Variants in MYT1L observed in about 807,000 individuals in gnomAD.
MYT1L encodes the protein myelin transcription factor 1-like protein.
Under a neutral mutation model 126.7 loss-of-function variants are expected in MYT1L, and 12 were observed. The ratio of observed to expected loss-of-function variants is 0.09; its 90% CI spans 0.06 to 0.15. The LOEUF is 0.15. Among genes scored for constraint, MYT1L ranks in the 10% least tolerant of loss-of-function variants. The probability of loss-of-function intolerance (pLI) is 1.00; values close to 1 mark genes in which losing one functional copy is unlikely to be tolerated. For synonymous variants in MYT1L, 541 were observed against 604.2 expected (o/e 0.90, Z 1.53); for missense variants, 979 against 1,585.2 (o/e 0.62, Z 6.49).
intron 2 of MYT1L, among the ~76,000 whole-genome samples, chr2:2,262,561 C>T (rs1466710170): frequency 2.6e-5 from 4 of 151,518 alleles, no homozygotes; most frequent in South Asian, 2.1e-4. Flanking sequence ...GGCATGGTGG[C>T]GGGCACCTGT....
At chr2:2,168,405 GGGGTGCATATGGAAA>G (rs1450824034) in intron 3 of MYT1L, among the ~76,000 whole-genome samples, 2 of 152,272 alleles carry the variant, frequency 1.3e-5, no homozygotes, top group South Asian at 2.1e-4. Flanking sequence ...TAGGTGTGTT[GGGGTGCATATGGAAA>G]GTTCTGGATC....
chr2:2,136,152 T>A (rs953104154), intron 3 of MYT1L, among the ~76,000 whole-genome samples: 1 of 152,176 alleles, frequency 6.6e-6, no homozygotes, highest in Admixed American at 6.5e-5. Flanking sequence ...TAGCTCTCAC[T>A]TTTTATGTTC....
chr2:2,112,756 T>A (rs1241904941), intron 3 of MYT1L, among the ~76,000 whole-genome samples: 1 of 152,240 alleles, frequency 6.6e-6, no homozygotes, highest in African/African-American at 2.4e-5. Flanking sequence ...TTGGCCACTC[T>A]GCTGACCACT....
At chr2:2,203,252 G>C (rs969062569) in intron 2 of MYT1L, among the ~76,000 whole-genome samples, 16 of 149,078 alleles carry the variant, frequency 1.1e-4, no homozygotes, top group African/African-American at 4.0e-4. Flanking sequence ...ATTCAACATA[G>C]TGTTGGAAGT....
chr2:2,229,758 G>A (rs190519544), intron 2 of MYT1L, among the ~76,000 whole-genome samples: 14 of 152,106 alleles, frequency 9.2e-5, no homozygotes, highest in South Asian at 4.2e-4. Flanking sequence ...TTATGCCAAC[G>A]CAAGCAGGCA....
chr2:2,275,972 T>G (rs921747437), intron 2 of MYT1L, among the ~76,000 whole-genome samples: 1 of 152,176 alleles, frequency 6.6e-6, no homozygotes, highest in Non-Finnish European at 1.5e-5. Flanking sequence ...AGCGGGTTTC[T>G]CCTCTCTGCC....
intron 3 of MYT1L, among the ~76,000 whole-genome samples, chr2:2,141,708 G>C (rs1165007733): frequency 6.6e-6 from 1 of 152,172 alleles, no homozygotes; most frequent in Non-Finnish European, 1.5e-5. Flanking sequence ...GATGTGTTTG[G>C]ATTTTACAAG....
At position 1,917,471 on chromosome 2, in the gene MYT1L, G is replaced by C. The variant is rs2053008904; in HGVS notation, c.1484-132C>G. ...TGTCGGGGGCTAGGCTGTGACATCA[G>C]ACTTTTGCTTAGATAGTTCTTTGGT... is the stretch of plus-strand genomic sequence containing the variant. On this transcript the variant is annotated intron_variant, in intron 10 of 24. Coordinates refer to ENST00000647738, the MANE Select transcript of MYT1L (RefSeq NM_001303052.2). The surrounding 1 kb of genome is among the most constrained non-coding windows in gnomAD (Gnocchi z 5.9). 3 of 1,069,836 alleles carry C rather than the reference G, an allele frequency of 2.8e-6. No individual in the cohort carries two copies. The highest frequency in any genetic ancestry group is 4.8e-5 in the Admixed American group (2 of 41,564). 66.3% of individuals were successfully genotyped at this position (1,069,836 alleles called of 1,614,324 possible). A position where few individuals can be genotyped will look rare whatever the true frequency, so the allele number is the denominator to read the frequency against.
Position 1,886,624 on chromosome 2 carries a change from G to C in MYT1L, c.2643-17C>G, listed in dbSNP as rs762809075. 1 of 1,536,642 alleles carries C rather than the reference G, an allele frequency of 6.5e-7. No homozygotes were observed. Among genetic ancestry groups the C allele is most frequent in the African/African-American group, 1.4e-5 (1 of 71,610 alleles). On this transcript the variant is annotated splice_polypyrimidine_tract_variant and intron_variant, in intron 17 of 24. Transcript: ENST00000647738. ...CCAGACAGACTGTAAGACAGGCCGG[G>C]ACAGGCAGGTCAGTCAACTGCGAAG... is the stretch of plus-strand genomic sequence containing the variant.
At chr2:2,289,722 T>A (rs2095571300) in intron 1 of MYT1L, among the ~76,000 whole-genome samples, 2 of 152,328 alleles carry the variant, frequency 1.3e-5, no homozygotes, top group African/African-American at 2.4e-5. Flanking sequence ...AAATCCTCTC[T>A]AACTGGGGTG....
chr2:1,841,093 G>C (rs914571343), intron 19 of MYT1L: 1 of 369,074 alleles, frequency 2.7e-6, no homozygotes, highest in African/African-American at 2.2e-5. Flanking sequence ...TTTTAGTAGA[G>C]ACGGGGTTTC....
In MYT1L at chr2:2,184,135, T is replaced by G. The variant is rs377678258; in HGVS notation, c.-420-11147A>C. Among the ~76,000 whole-genome samples, 76 of 152,210 alleles carry G rather than the reference T, an allele frequency of 5.0e-4. 1 individual carries two copies. The highest frequency in any genetic ancestry group is 1.5e-3 in the African/African-American group (64 of 41,552). ...AAGGAGGTAGATGGCTTGAATAATG[T>G]AGGTCATGCTGAGGCTGTTCACAAT... On this transcript the variant is annotated intron_variant, in intron 2 of 24. Coordinates refer to ENST00000647738, the MANE Select transcript of MYT1L (RefSeq NM_001303052.2).
At chr2:2,103,782 A>G (rs2078403772) in intron 3 of MYT1L, among the ~76,000 whole-genome samples, 1 of 152,230 alleles carries the variant, frequency 6.6e-6, no homozygotes, top group Admixed American at 6.5e-5. Context: ...AACAACAGCA[A>G]GATCTCACGG....
intron 4 of MYT1L, among the ~76,000 whole-genome samples, chr2:2,016,432 G>C (rs943488535): frequency 3.3e-5 from 5 of 152,160 alleles, no homozygotes; most frequent in Non-Finnish European, 7.3e-5. Flanking sequence ...ATTTAAGATG[G>C]GGAAGCACAC....
chr2:2,321,338 A>T (rs952272559), intron 1 of MYT1L, among the ~76,000 whole-genome samples: 2 of 152,126 alleles, frequency 1.3e-5, no homozygotes, highest in African/African-American at 2.4e-5. Context: ...ACTCGGTTTG[A>T]TGGCTCTCTA....
intron 17 of MYT1L, 82 bp from the exon 18 acceptor site, chr2:1,886,689 T>G: frequency 1.1e-6 from 1 of 947,648 alleles, no homozygotes; most frequent in Non-Finnish European, 1.5e-6. Flanking sequence ...AAACCGAAAT[T>G]AAAGAGTTTA....
At chr2:2,246,563 C>T (rs2094540152) in intron 2 of MYT1L, among the ~76,000 whole-genome samples, 1 of 152,176 alleles carries the variant, frequency 6.6e-6, no homozygotes, top group Non-Finnish European at 1.5e-5. Context: ...TGCCTTCAGA[C>T]AGCTCTGGTG....
At chr2:1,905,044 C>T (rs185073870) in intron 13 of MYT1L, among the ~76,000 whole-genome samples, 2 of 152,004 alleles carry the variant, frequency 1.3e-5, no homozygotes, top group African/African-American at 2.4e-5. Flanking sequence ...GATCCACCCA[C>T]CGCCTGGCTA....
intron 21 of MYT1L, chr2:1,826,067 A>G (rs950358601): frequency 1.3e-5 from 2 of 152,258 alleles, no homozygotes; most frequent in Admixed American, 6.5e-5. Flanking sequence ...CAAGCTCAGG[A>G]GCTGAGTTCT....
Sources: allele counts gnomAD v4.1 joint callset (sites outside exome capture counted in the v4.1 genomes callset), GRCh38; gene constraint gnomAD v4.1.1; non-coding constraint Gnocchi (gnomAD v3.1); transcripts MANE v1.5; gene names NCBI Gene and HGNC (gene_info 2026-07-23, HGNC 2026-07-21).